Variants in ULK2 observed in about 807,000 individuals in gnomAD.
ULK2 encodes the protein serine/threonine-protein kinase ULK2.
In ULK2, 76 loss-of-function variants were observed where a neutral mutation model predicts 127.5. The ratio of observed to expected loss-of-function variants is 0.60; its 90% CI spans 0.50 to 0.72. The LOEUF (loss-of-function observed/expected upper bound fraction) is 0.72, where lower values mean the gene tolerates loss of function less well. Ranked by LOEUF, ULK2 falls within the 30% of genes least tolerant of loss-of-function variation. The pLI, the probability that ULK2 is intolerant of heterozygous loss-of-function variation, is 0.00. For missense variants in ULK2, 1,144 were observed against 1,295.9 expected (o/e 0.88, Z 1.80); for synonymous variants, 452 against 461.9 (o/e 0.98, Z 0.28).
At chr17:19,782,264 A>G (rs2086935502) in intron 22 of ULK2, among the ~76,000 whole-genome samples, 197 bp from the exon 23 acceptor site, 1 of 152,226 alleles carries the variant, frequency 6.6e-6, no homozygotes, top group Non-Finnish European at 1.5e-5. Flanking sequence ...AGGTATATGC[A>G]TGTGTTTGTG....
At chr17:19,779,499 G>A (rs941690329) in intron 25 of ULK2, among the ~76,000 whole-genome samples, 6 of 122,218 alleles carry the variant, frequency 4.9e-5, no homozygotes, top group East Asian at 2.4e-4. Context: ...GCTGCTGCAC[G>A]TCAGCCTGGA....
chr17:19,816,412 A>C (rs1288992494), intron 13 of ULK2: 2 of 163,040 alleles, frequency 1.2e-5, no homozygotes, highest in Non-Finnish European at 2.6e-5. Context: ...CACTCTTTTG[A>C]CTCAGGTTTT....
chr17:19,835,614 G>C (rs1474938885), intron 10 of ULK2, among the ~76,000 whole-genome samples: 1 of 151,138 alleles, frequency 6.6e-6, no homozygotes, highest in African/African-American at 2.4e-5. Flanking sequence ...CTACTCGGGA[G>C]GCTGAGGCAG....
chr17:19,843,256 C>T lies in ULK2; in HGVS notation c.544-34G>A, dbSNP rs188168067. Reference sequence around the variant, plus strand: ...AGAAAAATTTAAGGGGCATGCCGTACGTTATTTACATAATTAATATGCACA... The same window carrying T: ...AGAAAAATTTAAGGGGCATGCCGTATGTTATTTACATAATTAATATGCACA... On this transcript the variant is annotated intron_variant, in intron 7 of 26. Transcript: ENST00000395544. 31 of 1,386,062 alleles carry T rather than the reference C, an allele frequency of 2.2e-5. No individual in the cohort carries two copies. The South Asian group carries it at 2.8e-4, about 13-fold the overall frequency. 85.9% of individuals were successfully genotyped at this position (1,386,062 alleles called of 1,614,324 possible).
chr17:19,816,768 G>A lies in ULK2; in HGVS notation c.1077C>T (p.Asn359=). Residue 359 remains asparagine, a synonymous_variant, in exon 13 of 27, where the codon AAC becomes AAT. Coordinates refer to ENST00000395544, the MANE Select transcript of ULK2 (RefSeq NM_014683.4). ...DTDDFVLVPH[N]ISSDHSCDMP... ...TCTCACATGAGTGGTCTGACGAGAT[G>A]TTGTGTGGCACCAAAACAAAGTCAT... 6.2e-7 allele frequency: 1 copy of A among 1,603,108 alleles called. No homozygotes were observed. The highest frequency in any genetic ancestry group is 8.5e-7 in the Non-Finnish European group (1 of 1,176,748).
intron 10 of ULK2, among the ~76,000 whole-genome samples, chr17:19,835,274 C>G (rs187771148): frequency 1.3e-5 from 2 of 150,954 alleles, no homozygotes; most frequent in Non-Finnish European, 3.0e-5. Context: ...CTCAGCCTCT[C>G]GAGTAGCTGG....
chr17:19,795,486 G>A (rs1335245195), intron 20 of ULK2, 136 bp downstream of exon 20: 10 of 727,460 alleles, frequency 1.4e-5, no homozygotes, highest in Non-Finnish European at 2.1e-5. Context: ...GATAGGGATG[G>A]CATCCAGAAC....
chr17:19,860,267 T>C (rs1234183298), intron 3 of ULK2, among the ~76,000 whole-genome samples: 1 of 152,198 alleles, frequency 6.6e-6, no homozygotes, highest in South Asian at 2.1e-4. Context: ...AGTGGGAAAA[T>C]GCATTTCTTT....
At chr17:19,864,737 CA>C (rs2042316960) in intron 3 of ULK2, 65 bp downstream of exon 3, 2 of 603,084 alleles carry the variant, frequency 3.3e-6, no homozygotes. Flanking sequence ...TATTAAGAGT[CA>C]CTTAAATCTG....
In ULK2 at chr17:19,801,649, G is replaced by A. The variant is rs1009399777; in HGVS notation, c.1441+128C>T. 63 of 1,191,564 alleles carry A rather than the reference G, an allele frequency of 5.3e-5. No homozygotes were observed. In the African/African-American group the frequency reaches 7.1e-4, roughly 13 times the overall value. 73.8% of individuals were successfully genotyped at this position (1,191,564 alleles called of 1,614,324 possible). On this transcript the variant is annotated intron_variant, in intron 16 of 26. Transcript: ENST00000395544. ...GGGATTGGGGTAAAGATGGAGGGAC[G>A]GGGTATGGCCTCCAATCAGCTGAGA...
At chr17:19,780,273 T>C (rs2086891960) in intron 25 of ULK2, among the ~76,000 whole-genome samples, 199 bp downstream of exon 25, 1 of 152,258 alleles carries the variant, frequency 6.6e-6, no homozygotes, top group Admixed American at 6.5e-5. Context: ...GTAAACGGAT[T>C]TGTAATTACT....
intron 18 of ULK2, among the ~76,000 whole-genome samples, 180 bp downstream of exon 18, chr17:19,797,216 G>C (rs898261487): frequency 2.9e-4 from 44 of 152,186 alleles, no homozygotes; most frequent in Admixed American, 2.0e-4. Context: ...AGAATTGTTT[G>C]AACCTGGGAG....
chr17:19,865,626 G>T, intron 2 of ULK2, 110 bp downstream of exon 2: 1 of 580,184 alleles, frequency 1.7e-6, no homozygotes, highest in South Asian at 2.8e-5. Context: ...AGCAACAGTT[G>T]AAAATTCTCA....
In ULK2 at chr17:19,783,938, C is replaced by A. The variant is rs753213774; in HGVS notation, c.2252-33G>T. 2.8e-6 allele frequency: 4 copies of A among 1,406,462 alleles called. 1 individual carries two copies. In the South Asian group the frequency reaches 7.1e-5, roughly 25 times the overall value. 87.1% of individuals were successfully genotyped at this position (1,406,462 alleles called of 1,614,324 possible). A position where few individuals can be genotyped will look rare whatever the true frequency, so the allele number is the denominator to read the frequency against. On this transcript the variant is annotated intron_variant, in intron 21 of 26. Transcript: ENST00000395544. ...GAAACAGAGGATACATGGCAGTGTC[C>A]AGAGTTAGGGCTTTCACACCCACTC...
At chr17:19,860,521 C>G (rs890407112) in intron 3 of ULK2, among the ~76,000 whole-genome samples, 1 of 151,156 alleles carries the variant, frequency 6.6e-6, no homozygotes, top group Non-Finnish European at 1.5e-5. Context: ...TTGATTAATA[C>G]CTCTTTTTTT....
At chr17:19,837,416 G>A (rs896735109) in intron 10 of ULK2, among the ~76,000 whole-genome samples, 2 of 152,060 alleles carry the variant, frequency 1.3e-5, no homozygotes, top group Admixed American at 1.3e-4. Context: ...GTAAAACCCT[G>A]TCTCAAAAAA....
chr17:19,860,601 T>G (rs527843006), intron 3 of ULK2, among the ~76,000 whole-genome samples: 10 of 151,044 alleles, frequency 6.6e-5, no homozygotes, highest in Non-Finnish European at 1.2e-4. Flanking sequence ...CTCGGCTCAC[T>G]GCAATCTCCG....
chr17:19,861,524 A>G (rs1374877536), intron 3 of ULK2, among the ~76,000 whole-genome samples: 2 of 152,174 alleles, frequency 1.3e-5, no homozygotes, highest in Non-Finnish European at 2.9e-5. Context: ...CAGCCTGGCC[A>G]ACAGAACGAG....
chr17:19,853,594 AAG>A (rs1597814471), intron 3 of ULK2, among the ~76,000 whole-genome samples: 1 of 148,450 alleles, frequency 6.7e-6, no homozygotes, highest in South Asian at 2.1e-4. Context: ...TTTTTGAGAC[AAG>A]AGTCTCACTC....
Sources: gnomAD v4.1 joint callset for allele counts (sites outside exome capture counted in the v4.1 genomes callset) on GRCh38, gnomAD v4.1.1 for gene constraint, MANE v1.5 for transcripts, NCBI Gene and HGNC (gene_info 2026-07-23, HGNC 2026-07-21) for gene names.